KDM4B: variants seen among roughly 807,000 people sequenced by gnomAD.
KDM4B encodes the protein lysine-specific demethylase 4B.
KDM4B carries 32 observed loss-of-function variants against 125.2 expected under a neutral mutation model. The observed-to-expected ratio is 0.26, with a 90% CI of 0.19 to 0.34. The LOEUF is 0.34. Ranked by LOEUF, KDM4B falls within the 10% of genes least tolerant of loss-of-function variation. The probability of loss-of-function intolerance (pLI) is 1.00; values close to 1 mark genes in which losing one functional copy is unlikely to be tolerated. For synonymous variants in KDM4B, 721 were observed against 677.9 expected (o/e 1.06, Z -0.99); for missense variants, 1,190 against 1,577.7 (o/e 0.75, Z 4.16).
At chr19:4,970,937 G>C (rs893968550) in intron 1 of KDM4B, among the ~76,000 whole-genome samples, 3 of 152,062 alleles carry the variant, frequency 2.0e-5, no homozygotes, top group African/African-American at 7.2e-5. Context: ...ACACCAGGAC[G>C]GGTCAGACTG....
At chr19:5,051,785 T>C (rs1196484462) in intron 6 of KDM4B, among the ~76,000 whole-genome samples, 3 of 152,216 alleles carry the variant, frequency 2.0e-5, no homozygotes, top group Non-Finnish European at 4.4e-5. Context: ...GACTGCGACC[T>C]TGACCTGCCC....
chr19:5,093,733 G>A (rs73919738), intron 9 of KDM4B, among the ~76,000 whole-genome samples: 10,061 of 152,236 alleles, frequency 0.066, 371 homozygotes, highest in Admixed American at 0.11. Context: ...ACCGCCACTC[G>A]CCCCGGTTGG....
At chr19:5,018,491 A>G (rs767242440) in intron 2 of KDM4B, among the ~76,000 whole-genome samples, 73 of 152,352 alleles carry the variant, frequency 4.8e-4, no homozygotes, top group Non-Finnish European at 2.6e-4. Context: ...GGAGGAGCTC[A>G]GGGCAAACCA....
intron 6 of KDM4B, among the ~76,000 whole-genome samples, chr19:5,049,034 G>A (rs901268179): frequency 2.6e-5 from 4 of 152,174 alleles, no homozygotes; most frequent in African/African-American, 7.2e-5. Context: ...TGTCGTGGGA[G>A]CCTGGGCTGG....
At chr19:5,143,402 A>G (rs184866771) in intron 18 of KDM4B, among the ~76,000 whole-genome samples, 2 of 152,196 alleles carry the variant, frequency 1.3e-5, no homozygotes, top group African/African-American at 4.8e-5. Context: ...AGTTGTGCCA[A>G]CTATCACACC....
intron 6 of KDM4B, among the ~76,000 whole-genome samples, chr19:5,065,431 A>C (rs2037737687): frequency 2.0e-5 from 3 of 152,246 alleles, no homozygotes; most frequent in African/African-American, 4.8e-5. Flanking sequence ...CTAAGCCATT[A>C]GAGGGGAAAA....
intron 6 of KDM4B, among the ~76,000 whole-genome samples, chr19:5,047,991 C>G (rs2037082623): frequency 6.6e-6 from 1 of 152,218 alleles, no homozygotes; most frequent in Non-Finnish European, 1.5e-5. Context: ...GCTGCCCAGG[C>G]TGTGCTGCCT....
intron 20 of KDM4B, 39 bp from the exon 21 acceptor site, chr19:5,144,744 T>C (rs1308640572): frequency 3.1e-6 from 5 of 1,612,140 alleles, no homozygotes; most frequent in South Asian, 2.2e-5. Context: ...CCCAGCGTAG[T>C]GTGGCCAGGA....
intron 9 of KDM4B, among the ~76,000 whole-genome samples, chr19:5,084,531 T>TATA (rs113626270): frequency 0.73 from 100,721 of 137,118 alleles, 37,487 homozygotes; most frequent in East Asian, 0.94. Context: ...TTATATATGT[T>TATA]ATTTATATAT....
At chr19:5,132,566 G>A (rs1038551704) in intron 13 of KDM4B, among the ~76,000 whole-genome samples, 6 of 152,226 alleles carry the variant, frequency 3.9e-5, no homozygotes, top group East Asian at 1.9e-4. Flanking sequence ...TTCTAGAAGC[G>A]CGTGGGATCA....
At chr19:5,030,872 CAGA>C (rs2036430738) in intron 2 of KDM4B, among the ~76,000 whole-genome samples, 1 of 152,268 alleles carries the variant, frequency 6.6e-6, no homozygotes, top group South Asian at 2.1e-4. Flanking sequence ...CTGTTTGTGG[CAGA>C]TCCAGGGATG....
chr19:5,122,312 C>T (rs562763059), intron 11 of KDM4B, among the ~76,000 whole-genome samples: 2 of 152,324 alleles, frequency 1.3e-5, no homozygotes, highest in East Asian at 3.9e-4. Context: ...CGGTGAGGAC[C>T]CTGGGTTCCC....
chr19:5,019,039 C>CGT (rs2035978424), intron 2 of KDM4B, among the ~76,000 whole-genome samples: 1 of 146,838 alleles, frequency 6.8e-6, no homozygotes, highest in African/African-American at 2.5e-5. Flanking sequence ...TTGGTGTGGA[C>CGT]GTTGGTGTGC....
intron 11 of KDM4B, among the ~76,000 whole-genome samples, chr19:5,123,870 T>TG (rs986786290): frequency 1.3e-5 from 2 of 149,642 alleles, no homozygotes; most frequent in African/African-American, 4.9e-5. Flanking sequence ...GGCAGGGGAG[T>TG]GGGGGATGGG....
At chr19:5,018,148 C>T (rs916715437) in intron 2 of KDM4B, among the ~76,000 whole-genome samples, 9 of 152,210 alleles carry the variant, frequency 5.9e-5, no homozygotes, top group Non-Finnish European at 1.0e-4. Context: ...AAGGGATCCT[C>T]CCGCCTCAGC....
chr19:5,136,601 C>T (rs1395622684), intron 15 of KDM4B, among the ~76,000 whole-genome samples: 2 of 152,126 alleles, frequency 1.3e-5, no homozygotes, highest in South Asian at 2.1e-4. Context: ...CTGCCACAGC[C>T]GGGCCGCCCC....
At chr19:5,025,022 A>G (rs748202976) in intron 2 of KDM4B, among the ~76,000 whole-genome samples, 5 of 152,268 alleles carry the variant, frequency 3.3e-5, no homozygotes, top group Non-Finnish European at 7.3e-5. Flanking sequence ...GAAGCATGTC[A>G]TTCAGTGGTG....
intron 3 of KDM4B, among the ~76,000 whole-genome samples, chr19:5,036,147 G>A (rs1034833226): frequency 3.9e-5 from 6 of 152,174 alleles, no homozygotes; most frequent in Admixed American, 2.0e-4. Context: ...GGTTCTGAGC[G>A]AGCTGTGGGG....
rs8102001 is a variant in KDM4B at position 5,136,348 on chromosome 19, C to T, written c.2308+787C>T. Among the ~76,000 whole-genome samples the T allele has an allele frequency of 3.7e-3, 565 of 152,226 alleles. 6 individuals carry two copies. Among genetic ancestry groups the T allele is most frequent in the African/African-American group, 0.013 (535 of 41,528 alleles). ...TGGATGTCTGTCTCTTTCCCACGCACGGGGGGGCGGTGGCAGGAATTGGAC... is the reference window on the plus strand; with the variant it reads ...TGGATGTCTGTCTCTTTCCCACGCATGGGGGGGCGGTGGCAGGAATTGGAC... On this transcript the variant is annotated intron_variant, in intron 15 of 22. Transcript: ENST00000159111.
Sources: allele counts gnomAD v4.1 joint callset (sites outside exome capture counted in the v4.1 genomes callset), GRCh38; gene constraint gnomAD v4.1.1; transcripts MANE v1.5; gene names NCBI Gene and HGNC (gene_info 2026-07-23, HGNC 2026-07-21).